Variants in GINS2 observed in about 807,000 individuals in gnomAD.
GINS2 encodes GINS complex subunit 2.
In GINS2, 23 loss-of-function variants were observed where a neutral mutation model predicts 21.2. The observed-to-expected ratio is 1.08, with a 90% confidence interval of 0.78 to 1.53. The LOEUF is 1.53. GINS2 is among the 40% of genes most tolerant of loss of function. The pLI is 0.00. For synonymous variants in GINS2, 118 were observed against 85.6 expected, an observed-to-expected ratio of 1.38 and a Z score of -2.09; for missense variants, 323 against 233.9, an observed-to-expected ratio of 1.38 and a Z score of -2.49.
At chr16:85,685,389 C>T (rs1433578608) in intron 2 of GINS2, among the ~76,000 whole-genome samples, 1 of 152,028 alleles carries the variant, frequency 6.6e-6, no homozygotes, top group Admixed American at 6.5e-5. Context: ...CTACAAAAGC[C>T]TTCCGGCCAG....
chr16:85,678,298 T>C lies in GINS2; in HGVS notation c.472A>G (p.Thr158Ala). Residue 158 changes from threonine (T) to alanine (A), a missense_variant, in exon 5 of 5, where the codon ACT becomes GCT. Coordinates refer to ENST00000253462, the MANE Select transcript of GINS2 (RefSeq NM_016095.3). ...LTLMEINTSG[T>A]FLTQALNHMY... ...TGGTTGAGCGCTTGTGTGAGGAAAG[T>C]CCCGCTGGTGTTGATCTCCATCAAG... is the stretch of plus-strand genomic sequence containing the variant. The C allele has an allele frequency of 6.2e-7, 1 of 1,613,366 alleles. No individual in the cohort carries two copies. The highest frequency in any genetic ancestry group is 8.5e-7 in the Non-Finnish European group (1 of 1,179,318).
At position 85,676,726 on chromosome 16, in the gene GINS2, A is replaced by C. The variant is rs1433186414; in HGVS notation, c.*1486T>G. The C allele has an allele frequency of 2.0e-5, 3 of 152,214 alleles. No homozygotes were observed. The highest frequency in any genetic ancestry group is 4.4e-5 in the Non-Finnish European group (3 of 68,048). 9.4% of individuals were successfully genotyped at this position (152,214 alleles called of 1,614,324 possible). A position where few individuals can be genotyped will look rare whatever the true frequency, so the allele number is the denominator to read the frequency against. On this transcript the variant is annotated 3_prime_UTR_variant, in exon 5 of 5. Coordinates refer to ENST00000253462, the MANE Select transcript of GINS2 (RefSeq NM_016095.3). ...ATAGGCTGGCCAGGCATGGCGGCTC[A>C]TGCTTGCAATCCCAGTGCTTTGGGA...
At chr16:85,681,290 G>A (rs1427935512) in intron 3 of GINS2, among the ~76,000 whole-genome samples, 4 of 152,242 alleles carry the variant, frequency 2.6e-5, no homozygotes, top group Non-Finnish European at 5.9e-5. Flanking sequence ...GTCGAGTGAT[G>A]TGAGGCAGAA....
intron 2 of GINS2, among the ~76,000 whole-genome samples, chr16:85,683,361 G>C (rs1259897785): frequency 6.6e-6 from 1 of 151,170 alleles, no homozygotes; most frequent in Non-Finnish European, 1.5e-5. Context: ...CACATGCTCA[G>C]AAAGACCTCC....
intron 3 of GINS2, 132 bp from the exon 4 acceptor site, chr16:85,678,798 A>G (rs2053708471): frequency 4.8e-6 from 4 of 839,658 alleles, no homozygotes; most frequent in African/African-American, 1.7e-5. Flanking sequence ...TTTATTTTCA[A>G]CTTTAGGGTG....
chr16:85,682,622 A>C (rs974311936), intron 2 of GINS2, among the ~76,000 whole-genome samples: 5 of 151,728 alleles, frequency 3.3e-5, no homozygotes, highest in Non-Finnish European at 7.4e-5. Context: ...CTAGAGGGCT[A>C]AGCCACCCCA....
At chr16:85,687,078 G>A (rs2053783507) in intron 2 of GINS2, among the ~76,000 whole-genome samples, 1 of 152,214 alleles carries the variant, frequency 6.6e-6, no homozygotes, top group Non-Finnish European at 1.5e-5. Flanking sequence ...AAAATTTGCA[G>A]GGTGTGGTGG....
intron 1 of GINS2, 27 bp downstream of exon 1, chr16:85,688,782 C>A (rs777327004): frequency 5.6e-6 from 8 of 1,430,150 alleles, no homozygotes; most frequent in Non-Finnish European, 2.8e-6. Flanking sequence ...CCCGGCCTCC[C>A]CTCCCCACGG....
At position 85,677,257 on chromosome 16, in the gene GINS2, GTAA is replaced by G. The variant is rs2053685171; in HGVS notation, c.*952_*954del. The stretch of plus-strand genomic sequence containing the variant: ...CTGGACGATCATTTCACCTCTCAAG[GTAA>G]TGTAATTTCTGTAAAGGTCCTAACA... On this transcript the variant is annotated 3_prime_UTR_variant, in exon 5 of 5. Transcript: ENST00000253462. 6.6e-6 allele frequency: 1 copy of G among 152,064 alleles called. No homozygotes were observed. The highest frequency in any genetic ancestry group is 1.5e-5 in the Non-Finnish European group (1 of 68,026). The allele number at this position is 152,064 out of a possible 1,614,324, so 9.4% of individuals were successfully genotyped here.
intron 3 of GINS2, among the ~76,000 whole-genome samples, chr16:85,681,254 G>A (rs774031039): frequency 6.6e-6 from 1 of 152,266 alleles, no homozygotes. Context: ...TCTGTGAGAT[G>A]CTGGTGGCTC....
chr16:85,680,420 T>A (rs1177192511), intron 3 of GINS2, among the ~76,000 whole-genome samples: 1 of 152,182 alleles, frequency 6.6e-6, no homozygotes, highest in Non-Finnish European at 1.5e-5. Context: ...AGTTAAAGGA[T>A]ACCCGGGGAG....
Position 85,687,389 on chromosome 16 carries a change from C to A in GINS2, c.205+71G>T. On this transcript the variant is annotated intron_variant, in intron 2 of 4. Coordinates refer to ENST00000253462, the MANE Select transcript of GINS2 (RefSeq NM_016095.3). Reference sequence around the variant, plus strand: ...TCAGGAAGGAGGCCCCATGCCTCCACCCCGTGGGAGAGGGCGTCACCCCAA... The same window carrying A: ...TCAGGAAGGAGGCCCCATGCCTCCAACCCGTGGGAGAGGGCGTCACCCCAA... 1.7e-5 allele frequency: 14 copies of A among 832,210 alleles called. 1 individual carries two copies. Among genetic ancestry groups the A allele is most frequent in the South Asian group, 1.4e-4 (7 of 51,240 alleles). The allele number at this position is 832,210 out of a possible 1,614,324, so 51.6% of individuals were successfully genotyped here.
rs2152049156 is a variant in GINS2, at chr16:85,676,334, C to G, written c.*1878G>C. The G allele has an allele frequency of 6.6e-6, 1 of 152,214 alleles. No homozygotes were observed. Among genetic ancestry groups the G allele is most frequent in the Non-Finnish European group, 1.5e-5 (1 of 68,046 alleles). 9.4% of individuals were successfully genotyped at this position (152,214 alleles called of 1,614,324 possible). On this transcript the variant is annotated 3_prime_UTR_variant, in exon 5 of 5. Coordinates refer to ENST00000253462, the MANE Select transcript of GINS2 (RefSeq NM_016095.3). Reference sequence around the variant, plus strand: ...GAGGAGGGCATTAGGACCCCTTGCCCTCCACAATAACAAGTGGTTTCATTC... The same window carrying G: ...GAGGAGGGCATTAGGACCCCTTGCCGTCCACAATAACAAGTGGTTTCATTC...
chr16:85,682,588 C>G (rs1173871311), intron 2 of GINS2, among the ~76,000 whole-genome samples: 3 of 151,682 alleles, frequency 2.0e-5, no homozygotes, highest in Admixed American at 1.3e-4. Flanking sequence ...TTAAGCCACC[C>G]CAGCCTGGGC....
chr16:85,685,670 CAAAAA>C lies in GINS2; in HGVS notation c.205+1785_205+1789del, dbSNP rs752631926. Among the ~76,000 whole-genome samples, 29 of 55,296 alleles carry C rather than the reference CAAAAA, an allele frequency of 5.2e-4. 1 individual carries two copies. The South Asian group carries it at 9.0e-3, about 17-fold the overall frequency. 36.3% of individuals were successfully genotyped at this position (55,296 alleles called of 152,430 possible). A position where few individuals can be genotyped will look rare whatever the true frequency, so the allele number is the denominator to read the frequency against. On this transcript the variant is annotated intron_variant, in intron 2 of 4. Coordinates refer to ENST00000253462, the MANE Select transcript of GINS2 (RefSeq NM_016095.3). ...TGGGTGACAGAGCAAGACCCTTTCT[CAAAAA>C]AAAAAAAAAAAAAAAACCGTCTCAA...
chr16:85,678,791 A>G (rs2152050743), intron 3 of GINS2, 125 bp from the exon 4 acceptor site: 1 of 908,784 alleles, frequency 1.1e-6, no homozygotes, highest in Admixed American at 2.3e-5. Context: ...GTTTTGCTTT[A>G]TTTTCAACTT....
At chr16:85,682,919 CCT>C (rs925294458) in intron 2 of GINS2, among the ~76,000 whole-genome samples, 24 of 152,082 alleles carry the variant, frequency 1.6e-4, no homozygotes, top group African/African-American at 5.8e-4. Flanking sequence ...GTCTACTCAC[CCT>C]CTCTTCACTG....
chr16:85,687,614 A>G, intron 1 of GINS2, 40 bp from the exon 2 acceptor site: 1 of 1,266,028 alleles, frequency 7.9e-7, no homozygotes, highest in Non-Finnish European at 1.1e-6. Flanking sequence ...ATTGAAAAAG[A>G]ACAAAAAAAG....
At position 85,678,606 on chromosome 16, in the gene GINS2, G is replaced by A. The variant is rs375105940; in HGVS notation, c.366C>T (p.Asp122=). The change falls in exon 4 of 5, where the codon GAC becomes GAT. Residue 122 remains aspartate, a synonymous_variant. Transcript: ENST00000253462. ...EIRTLVKDMW[D]TRIAKLRVSA... is the part of the protein sequence containing the mutation. Reference sequence around the variant, plus strand: ...ACACTCGGAGTTTGGCTATACGAGTGTCCCACATATCCTTGACCAGGGTCC... The same window carrying A: ...ACACTCGGAGTTTGGCTATACGAGTATCCCACATATCCTTGACCAGGGTCC... The A allele has an allele frequency of 1.6e-5, 26 of 1,613,786 alleles. No homozygotes were observed. The highest frequency in any genetic ancestry group is 6.7e-5 in the Admixed American group (4 of 60,006).
Sources: gnomAD v4.1 joint callset for allele counts (sites outside exome capture counted in the v4.1 genomes callset) on GRCh38, gnomAD v4.1.1 for gene constraint, MANE v1.5 for transcripts, NCBI Gene and HGNC (gene_info 2026-07-23, HGNC 2026-07-21) for gene names.